Variants in INTS6 observed in about 807,000 individuals in gnomAD.
The protein encoded by INTS6 is DEAD box protein.
In INTS6, 16 loss-of-function variants were observed where a neutral mutation model predicts 104.9. The ratio of observed to expected loss-of-function variants is 0.15; its 90% CI spans 0.10 to 0.23. The LOEUF is 0.23. Among genes scored for constraint, INTS6 ranks in the 10% least tolerant of loss-of-function variants. The pLI, the probability that INTS6 is intolerant of heterozygous loss-of-function variation, is 1.00. For missense variants in INTS6, 584 were observed against 1,062.8 expected (o/e 0.55, Z 6.26); for synonymous variants, 324 against 358.7 (o/e 0.90, Z 1.09).
chr13:51,359,543 T>C (rs187717995), downstream of INTS6, among the ~76,000 whole-genome samples: 477 of 152,210 alleles, frequency 3.1e-3, 4 homozygotes, highest in African/African-American at 0.011. Context: ...TTCAAAATAC[T>C]GAAATAGCCT....
chr13:51,344,498 T>C, the INTS6 span: 31 of 1,547,580 alleles, frequency 2.0e-5, no homozygotes, highest in Admixed American at 5.8e-5. Flanking sequence ...AAAAGAAAAC[T>C]GTACATTTCA....
chr13:51,416,336 C>T (rs1956786012), intron 4 of INTS6, among the ~76,000 whole-genome samples: 1 of 152,216 alleles, frequency 6.6e-6, no homozygotes, highest in Admixed American at 6.5e-5. Context: ...TCACCACTGT[C>T]TACTTTCAGA....
chr13:51,335,958 G>A, the INTS6 span: 1 of 152,172 alleles, frequency 6.6e-6, no homozygotes, highest in Non-Finnish European at 1.5e-5. Context: ...ACAATCAAGA[G>A]AGGGGTGCTT....
intron 4 of INTS6, among the ~76,000 whole-genome samples, chr13:51,419,300 G>T (rs548320099): frequency 6.6e-6 from 1 of 152,044 alleles, no homozygotes. Context: ...AATCCATAAG[G>T]TTCCCATCTG....
chr13:51,407,879 T>C (rs1956601745), intron 4 of INTS6, among the ~76,000 whole-genome samples: 1 of 151,730 alleles, frequency 6.6e-6, no homozygotes, highest in Admixed American at 6.6e-5. Context: ...TAGCCAGACA[T>C]GGTGGCACAC....
intron 4 of INTS6, among the ~76,000 whole-genome samples, chr13:51,413,086 A>C (rs1424054180): frequency 6.6e-6 from 1 of 152,244 alleles, no homozygotes; most frequent in Non-Finnish European, 1.5e-5. Context: ...ATCAAAAAGA[A>C]AGACAGGATA....
chr13:51,371,159 C>T (rs113502561), intron 15 of INTS6, among the ~76,000 whole-genome samples: 1,730 of 152,296 alleles, frequency 0.011, 26 homozygotes, highest in East Asian at 0.07. Context: ...ACTAGACCTC[C>T]CAGGTGATTC....
intron 11 of INTS6, among the ~76,000 whole-genome samples, chr13:51,379,032 A>T (rs565686671): frequency 2.6e-5 from 4 of 152,148 alleles, no homozygotes; most frequent in Admixed American, 1.3e-4. Context: ...AGTATTTATT[A>T]ATGTGACTTA....
At chr13:51,436,902 TC>T (rs142919566) in intron 3 of INTS6, 1 of 152,282 alleles carries the variant, frequency 6.6e-6, no homozygotes, top group African/African-American at 2.4e-5. Flanking sequence ...AATTAAGCTA[TC>T]AGAAATATAA....
At chr13:51,380,145 T>A (rs1956018081) in intron 10 of INTS6, among the ~76,000 whole-genome samples, 1 of 152,014 alleles carries the variant, frequency 6.6e-6, no homozygotes, top group African/African-American at 2.4e-5. Flanking sequence ...AAATTATTAA[T>A]CATTACTATT....
the INTS6 span, chr13:51,344,266 G>C: frequency 6.2e-7 from 1 of 1,613,846 alleles, no homozygotes; most frequent in Non-Finnish European, 8.5e-7. Flanking sequence ...AAGGGTGAAA[G>C]ATTTCTTGCA....
At chr13:51,420,594 A>T (rs1052058493) in intron 4 of INTS6, among the ~76,000 whole-genome samples, 1 of 152,162 alleles carries the variant, frequency 6.6e-6, no homozygotes, top group Non-Finnish European at 1.5e-5. Context: ...CGAGCTACAT[A>T]AATCCAAACT....
Position 51,452,536 on chromosome 13 carries a change from G to T in INTS6, c.-11C>A. The T allele has an allele frequency of 3.7e-6, 6 of 1,608,686 alleles. No individual in the cohort carries two copies. The highest frequency in any genetic ancestry group is 5.1e-6 in the Non-Finnish European group (6 of 1,176,684). On this transcript the variant is annotated 5_prime_UTR_variant, in exon 1 of 18. Transcript: ENST00000311234. The surrounding 1 kb of genome is among the most constrained non-coding windows in gnomAD (Gnocchi z 4.2). ...CAGTAAGATGGGCATAGTGCTGGCC[G>T]GGGACACCGGGGCCCGAGGTGGTGG...
At chr13:51,369,921 C>T (rs535003232) in intron 15 of INTS6, among the ~76,000 whole-genome samples, 27 of 152,254 alleles carry the variant, frequency 1.8e-4, no homozygotes, top group African/African-American at 5.5e-4. Context: ...ACTGAAAGCT[C>T]GCAAGCCTTC....
At chr13:51,439,283 C>T (rs1952749686) in intron 3 of INTS6, 1 of 152,168 alleles carries the variant, frequency 6.6e-6, no homozygotes, top group South Asian at 2.1e-4. Context: ...AAGATGTCAA[C>T]ATGTCACAGA....
chr13:51,368,732 T>C (rs1955740702), intron 16 of INTS6, among the ~76,000 whole-genome samples: 1 of 152,182 alleles, frequency 6.6e-6, no homozygotes, highest in African/African-American at 2.4e-5. Flanking sequence ...TCTCAGTCCC[T>C]GCTGCCTACC....
chr13:51,410,352 C>T (rs1247441662), intron 4 of INTS6, among the ~76,000 whole-genome samples: 2 of 152,100 alleles, frequency 1.3e-5, no homozygotes, highest in Non-Finnish European at 2.9e-5. Flanking sequence ...TAGTTGACAC[C>T]ATGTTGTATT....
intron 3 of INTS6, 112 bp downstream of exon 3, chr13:51,450,913 T>C (rs1953029142): frequency 7.4e-7 from 1 of 1,348,308 alleles, no homozygotes; most frequent in South Asian, 2.4e-5. Context: ...ATATTCTATT[T>C]TAATTTGGAA....
chr13:51,373,356 T>TAA (rs527517611), intron 15 of INTS6, among the ~76,000 whole-genome samples: 100 of 152,322 alleles, frequency 6.6e-4, no homozygotes, highest in Admixed American at 1.4e-3. Context: ...TTTCCCTACA[T>TAA]TCATTCTTGC....
Sources: allele counts gnomAD v4.1 joint callset (sites outside exome capture counted in the v4.1 genomes callset), GRCh38; gene constraint gnomAD v4.1.1; non-coding constraint Gnocchi (gnomAD v3.1); transcripts MANE v1.5; gene names NCBI Gene and HGNC (gene_info 2026-07-23, HGNC 2026-07-21).